The following TAF4B variants were observed in gnomAD, a reference collection of about 807,000 sequenced individuals.
The protein encoded by TAF4B is transcription initiation factor TFIID subunit 4B.
A neutral mutation model predicts 86.4 loss-of-function variants in TAF4B; 38 were observed. The ratio of observed to expected loss-of-function variants is 0.44; its 90% CI spans 0.34 to 0.58. TAF4B has a LOEUF of 0.58. Among genes scored for constraint, TAF4B ranks in the 20% least tolerant of loss-of-function variants. The probability of loss-of-function intolerance (pLI) is 0.02; values close to 1 mark genes in which losing one functional copy is unlikely to be tolerated. For synonymous variants in TAF4B, 388 were observed against 391.2 expected, an observed-to-expected ratio of 0.99 and a Z score of 0.10; for missense variants, 988 against 1,027.6, an observed-to-expected ratio of 0.96 and a Z score of 0.53.
In TAF4B at chr18:26,389,904, G is replaced by T; in HGVS notation, c.2481G>T (p.Leu827Phe). The T allele has an allele frequency of 6.2e-7, 1 of 1,614,082 alleles. No individual in the cohort carries two copies. Among genetic ancestry groups the T allele is most frequent in the South Asian group, 1.1e-5 (1 of 91,074 alleles). The stretch of plus-strand genomic sequence containing the variant: ...CCAGCCTGACAGCCACCAAACAGTT[G>T]CATCGTCCAAGAATCACGAGAATCT... ...GTSSLTATKQ[L>F]HRPRITRICL... is the part of the protein sequence containing the mutation. Residue 827 changes from leucine to phenylalanine, a missense_variant, in exon 15 of 15, where the codon TTG becomes TTT. Physicochemically the swap from Leu to Phe is conservative, Grantham distance 22 (BLOSUM62 0). Transcript: ENST00000269142.
At chr18:26,388,086 T>C (rs1310083821) in intron 14 of TAF4B, among the ~76,000 whole-genome samples, 2 of 152,234 alleles carry the variant, frequency 1.3e-5, no homozygotes, top group African/African-American at 2.4e-5. Flanking sequence ...TCTTTCCTTA[T>C]GTATGTCTTT....
In TAF4B at chr18:26,364,344, CCT is replaced by C. The variant is rs369595865; in HGVS notation, c.2421+6551_2421+6552del. Among the ~76,000 whole-genome samples the C allele has an allele frequency of 1.1e-4, 16 of 151,990 alleles. No individual in the cohort carries two copies. In the East Asian group the frequency reaches 1.9e-3, roughly 18 times the overall value. The stretch of plus-strand genomic sequence containing the variant: ...GGGAGTACTTTGAAATGTGTCCTTT[CCT>C]TTTGCTGCTGTGGTTTGAAGTTATA... On this transcript the variant is annotated intron_variant, in intron 14 of 14. Transcript: ENST00000269142.
rs750349158 is a variant in TAF4B, at chr18:26,248,042, A to AT, written c.344-17113dup. Among the ~76,000 whole-genome samples the AT allele has an allele frequency of 3.1e-3, 255 of 83,552 alleles. 3 individuals carry two copies. Among genetic ancestry groups the AT allele is most frequent in the African/African-American group, 6.5e-3 (138 of 21,092 alleles). 54.8% of individuals were successfully genotyped at this position (83,552 alleles called of 152,430 possible). On this transcript the variant is annotated intron_variant, in intron 1 of 14. Coordinates refer to ENST00000269142, the MANE Select transcript of TAF4B (RefSeq NM_005640.3). ...AGGTGTGCCTCACTATGCCCAGCTAATTTTTTTTTTTTTTTGGTACATTTG... is the reference window on the plus strand; with the variant it reads ...AGGTGTGCCTCACTATGCCCAGCTAATTTTTTTTTTTTTTTTGGTACATTTG...
At chr18:26,232,602 A>G (rs1437385142) in intron 1 of TAF4B, among the ~76,000 whole-genome samples, 1 of 152,166 alleles carries the variant, frequency 6.6e-6, no homozygotes, top group Non-Finnish European at 1.5e-5. Flanking sequence ...TTTGAAAGCC[A>G]TTGTCTGATT....
chr18:26,361,613 C>G (rs779348579), intron 14 of TAF4B, among the ~76,000 whole-genome samples: 4 of 151,572 alleles, frequency 2.6e-5, no homozygotes, highest in Non-Finnish European at 4.4e-5. Context: ...GGCGTGGTGT[C>G]ATGTGCCTGT....
chr18:26,237,686 G>A (rs1342373051), intron 1 of TAF4B, among the ~76,000 whole-genome samples: 1 of 152,144 alleles, frequency 6.6e-6, no homozygotes, highest in Non-Finnish European at 1.5e-5. Context: ...AAGCTTGGAC[G>A]TAAGATACCT....
intron 6 of TAF4B, among the ~76,000 whole-genome samples, chr18:26,285,386 C>T (rs1259934225): frequency 1.3e-5 from 2 of 151,502 alleles, no homozygotes; most frequent in Non-Finnish European, 2.9e-5. Context: ...TGGGGTTTTG[C>T]CATGTTGCCT....
intron 14 of TAF4B, among the ~76,000 whole-genome samples, chr18:26,388,833 T>C (rs1440464756): frequency 1.3e-5 from 2 of 152,216 alleles, no homozygotes; most frequent in African/African-American, 4.8e-5. Flanking sequence ...TTCATTTTTT[T>C]GAGACAGAGT....
intron 13 of TAF4B, among the ~76,000 whole-genome samples, chr18:26,343,963 T>C (rs967919209): frequency 3.3e-5 from 5 of 152,112 alleles, no homozygotes; most frequent in Non-Finnish European, 7.4e-5. Flanking sequence ...CAAGATAACA[T>C]AGATGTTGGA....
intron 5 of TAF4B, among the ~76,000 whole-genome samples, chr18:26,276,639 A>T (rs1400335731): frequency 6.6e-6 from 1 of 152,192 alleles, no homozygotes; most frequent in African/African-American, 2.4e-5. Flanking sequence ...ATTTGGGAAG[A>T]TGTTTTTATT....
At chr18:26,341,566 A>AT (rs1037829151) in intron 13 of TAF4B, among the ~76,000 whole-genome samples, 3 of 152,058 alleles carry the variant, frequency 2.0e-5, no homozygotes, top group Non-Finnish European at 2.9e-5. Context: ...GGAATATACC[A>AT]TTTTTTTCAG....
chr18:26,375,691 C>A (rs1269649910), intron 14 of TAF4B, among the ~76,000 whole-genome samples: 1 of 152,100 alleles, frequency 6.6e-6, no homozygotes, highest in Non-Finnish European at 1.5e-5. Flanking sequence ...GCTTGTAGAC[C>A]ATTTGTACAT....
rs545277977 is a variant in TAF4B, at chr18:26,324,768, G to A, written c.2134-2247G>A. ...AGCTAATGCCACTGTCTACATTTGC[G>A]TATATATAAAATAACAAAAGATTAT... On this transcript the variant is annotated intron_variant, in intron 11 of 14. Transcript: ENST00000269142. Among the ~76,000 whole-genome samples the A allele has an allele frequency of 1.8e-3, 273 of 152,078 alleles. 1 individual carries two copies. The highest frequency in any genetic ancestry group is 3.5e-3 in the Non-Finnish European group (235 of 68,004).
intron 1 of TAF4B, among the ~76,000 whole-genome samples, chr18:26,249,458 C>T (rs932641968): frequency 2.0e-5 from 3 of 149,404 alleles, no homozygotes; most frequent in Non-Finnish European, 4.4e-5. Context: ...GGCAACAGAG[C>T]AAAACTCTCT....
At chr18:26,328,864 C>T (rs2057028590) in intron 12 of TAF4B, among the ~76,000 whole-genome samples, 1 of 152,084 alleles carries the variant, frequency 6.6e-6, no homozygotes, top group South Asian at 2.1e-4. Flanking sequence ...GATCCGCCCA[C>T]CTCAGCCTCC....
In TAF4B at chr18:26,364,752, A is replaced by G. The variant is rs2057358920; in HGVS notation, c.2421+6958A>G. On this transcript the variant is annotated intron_variant, in intron 14 of 14. Transcript: ENST00000269142. The stretch of plus-strand genomic sequence containing the variant: ...AAGTATTAAGGAATTTCAGCATACT[A>G]TTTTACTTTGAATGCTTTTTTACTA... 2.6e-5 allele frequency among the ~76,000 whole-genome samples: 4 copies of G among 152,062 alleles called. No individual in the cohort carries two copies. In the South Asian group the frequency reaches 8.3e-4, roughly 31 times the overall value.
intron 1 of TAF4B, among the ~76,000 whole-genome samples, chr18:26,245,132 T>C (rs1395579762): frequency 6.6e-6 from 1 of 152,148 alleles, no homozygotes; most frequent in African/African-American, 2.4e-5. Flanking sequence ...ATGCTAGTCA[T>C]TTTTAACAGG....
intron 13 of TAF4B, among the ~76,000 whole-genome samples, chr18:26,336,554 A>C (rs73395947): frequency 0.018 from 2,813 of 152,280 alleles, 77 homozygotes; most frequent in African/African-American, 0.064. Context: ...TTAAAAAAAA[A>C]GTTGAGAGCA....
intron 1 of TAF4B, among the ~76,000 whole-genome samples, chr18:26,245,516 T>C (rs1476270440): frequency 1.3e-5 from 2 of 152,194 alleles, no homozygotes; most frequent in Admixed American, 6.5e-5. Context: ...ATTTCTGTCC[T>C]ATCAGAGTGC....
Sources: gnomAD v4.1 joint callset for allele counts (sites outside exome capture counted in the v4.1 genomes callset) on GRCh38, gnomAD v4.1.1 for gene constraint, MANE v1.5 for transcripts, NCBI Gene and HGNC (gene_info 2026-07-23, HGNC 2026-07-21) for gene names.